The following CNTN5 variants were observed in gnomAD, a reference collection of about 807,000 sequenced individuals.
CNTN5 encodes contactin 5.
A neutral mutation model predicts 129.1 loss-of-function variants in CNTN5; 77 were observed. That is an observed-to-expected ratio of 0.60 (90% CI 0.50 to 0.72). The LOEUF (loss-of-function observed/expected upper bound fraction) is 0.72. Ranked by LOEUF, CNTN5 falls within the 30% of genes least tolerant of loss-of-function variation. CNTN5 has a pLI of 0.00. For missense variants in CNTN5, 1,478 were observed against 1,328.8 expected (o/e 1.11, Z -1.75); for synonymous variants, 509 against 465.6 (o/e 1.09, Z -1.20).
intron 1 of CNTN5, among the ~76,000 whole-genome samples, chr11:99,095,845 A>G (rs1385648004): frequency 6.6e-6 from 1 of 151,954 alleles, no homozygotes; most frequent in Admixed American, 6.6e-5. Flanking sequence ...CAAGAACAAG[A>G]TAACTTACAT....
intron 3 of CNTN5, among the ~76,000 whole-genome samples, chr11:99,807,898 G>T (rs191210120): frequency 9.2e-5 from 14 of 152,196 alleles, no homozygotes; most frequent in African/African-American, 2.6e-4. Context: ...TTTATAATGA[G>T]AATATTTAAA....
At chr11:99,848,187 G>A (rs1245299594) in intron 6 of CNTN5, among the ~76,000 whole-genome samples, 1 of 152,162 alleles carries the variant, frequency 6.6e-6, no homozygotes, top group Non-Finnish European at 1.5e-5. Context: ...TCCAGCCTGG[G>A]CGACAAAGCG....
At chr11:99,412,328 T>C (rs1942435220) in intron 2 of CNTN5, among the ~76,000 whole-genome samples, 1 of 152,200 alleles carries the variant, frequency 6.6e-6, no homozygotes, top group African/African-American at 2.4e-5. Context: ...ATATGTTCTT[T>C]ATACCAGCCA....
At chr11:100,134,514 T>C (rs1363395336) in intron 13 of CNTN5, among the ~76,000 whole-genome samples, 3 of 152,198 alleles carry the variant, frequency 2.0e-5, no homozygotes, top group Non-Finnish European at 4.4e-5. Context: ...AATGATAAAC[T>C]GGAGTTTTAT....
At chr11:99,166,397 CAAAAAAAAAAA>C (rs57810491) in intron 1 of CNTN5, among the ~76,000 whole-genome samples, 1 of 82,922 alleles carries the variant, frequency 1.2e-5, no homozygotes, top group Non-Finnish European at 2.4e-5. Context: ...AAGACTCTGT[CAAAAAAAAAAA>C]AAAAAAAAAG....
At chr11:99,484,976 T>C (rs1945752673) in intron 2 of CNTN5, among the ~76,000 whole-genome samples, 1 of 152,130 alleles carries the variant, frequency 6.6e-6, no homozygotes, top group African/African-American at 2.4e-5. Flanking sequence ...TTGTTACAGC[T>C]AGATAGGAGG....
intron 1 of CNTN5, among the ~76,000 whole-genome samples, chr11:99,071,597 G>A (rs1432871088): frequency 6.6e-6 from 1 of 152,040 alleles, no homozygotes; most frequent in East Asian, 1.9e-4. Context: ...CTTAAGTTTA[G>A]CATCAGAAAA....
chr11:99,922,161 A>T (rs1949954995), intron 7 of CNTN5, among the ~76,000 whole-genome samples: 1 of 152,178 alleles, frequency 6.6e-6, no homozygotes, highest in Admixed American at 6.5e-5. Context: ...GGAGGGGCAA[A>T]GGTGCGTCTT....
At chr11:99,805,149 G>A (rs1366404849) in intron 3 of CNTN5, among the ~76,000 whole-genome samples, 1 of 152,090 alleles carries the variant, frequency 6.6e-6, no homozygotes, top group South Asian at 2.1e-4. Context: ...TTTTGGTCAG[G>A]CCTGTAACAT....
intron 1 of CNTN5, among the ~76,000 whole-genome samples, chr11:99,309,117 G>A (rs1374979002): frequency 6.6e-6 from 1 of 151,560 alleles, no homozygotes; most frequent in Non-Finnish European, 1.5e-5. Flanking sequence ...AACATCAGGA[G>A]TTTTTATAGG....
intron 7 of CNTN5, among the ~76,000 whole-genome samples, chr11:99,938,406 G>T (rs1259760675): frequency 2.0e-5 from 3 of 152,042 alleles, no homozygotes; most frequent in Middle Eastern, 3.2e-3. Context: ...TATATACATA[G>T]GTACTAAAAC....
chr11:99,921,166 T>C (rs879743064), intron 7 of CNTN5, among the ~76,000 whole-genome samples: 1 of 152,220 alleles, frequency 6.6e-6, no homozygotes, highest in Admixed American at 6.5e-5. Context: ...CACGTTGTTA[T>C]GGCAACTTGA....
intron 4 of CNTN5, among the ~76,000 whole-genome samples, chr11:99,843,922 G>A (rs1022563510): frequency 6.6e-6 from 1 of 152,138 alleles, no homozygotes; most frequent in Admixed American, 6.5e-5. Context: ...ATACGCACAC[G>A]ATGCTCTGAA....
chr11:100,238,408 C>CAAAAAAAA (rs201855934), intron 16 of CNTN5, among the ~76,000 whole-genome samples: 1 of 71,328 alleles, frequency 1.4e-5, no homozygotes, highest in Non-Finnish European at 2.8e-5. Context: ...CCTCACTTGT[C>CAAAAAAAA]AAAAAAAAAA....
chr11:99,972,979 CAT>C (rs58148619), intron 8 of CNTN5, among the ~76,000 whole-genome samples: 25,551 of 151,792 alleles, frequency 0.17, 2,212 homozygotes, highest in Middle Eastern at 0.22. Context: ...TTACTTGCGA[CAT>C]GTTTTTTTAA....
intron 2 of CNTN5, among the ~76,000 whole-genome samples, chr11:99,499,130 C>T (rs370022597): frequency 6.6e-6 from 1 of 152,180 alleles, no homozygotes; most frequent in African/African-American, 2.4e-5. Flanking sequence ...AATTTTGTCA[C>T]TGCTACTTTG....
At chr11:99,957,368 T>C (rs991183663) in intron 8 of CNTN5, among the ~76,000 whole-genome samples, 1 of 152,216 alleles carries the variant, frequency 6.6e-6, no homozygotes, top group Admixed American at 6.5e-5. Context: ...GGGTTCACTT[T>C]TCATTACATT....
intron 1 of CNTN5, among the ~76,000 whole-genome samples, chr11:99,038,234 A>G (rs1040052955): frequency 6.6e-6 from 1 of 152,180 alleles, no homozygotes; most frequent in Non-Finnish European, 1.5e-5. Flanking sequence ...TGGAATCAAG[A>G]TATAAAACTT....
intron 2 of CNTN5, among the ~76,000 whole-genome samples, chr11:99,364,381 A>G (rs982231069): frequency 1.3e-5 from 2 of 152,078 alleles, no homozygotes; most frequent in Non-Finnish European, 2.9e-5. Context: ...TCTAACATAT[A>G]TTTAGCATAT....
Sources: gnomAD v4.1 joint callset for allele counts (sites outside exome capture counted in the v4.1 genomes callset) on GRCh38, gnomAD v4.1.1 for gene constraint, MANE v1.5 for transcripts, NCBI Gene and HGNC (gene_info 2026-07-23, HGNC 2026-07-21) for gene names.